RALGPS2: variants seen among roughly 807,000 people sequenced by gnomAD.
RALGPS2 encodes Ral GEF with PH domain and SH3 binding motif 2.
RALGPS2 carries 43 observed loss-of-function variants against 86.8 expected under a neutral mutation model. The observed-to-expected ratio is 0.50, with a 90% CI of 0.39 to 0.64. RALGPS2 has a LOEUF of 0.64. Among genes scored for constraint, RALGPS2 ranks in the 30% least tolerant of loss-of-function variants. The pLI is 0.00. For missense variants in RALGPS2, 536 were observed against 694.6 expected, an observed-to-expected ratio of 0.77 and a Z score of 2.57; for synonymous variants, 243 against 231.3, an observed-to-expected ratio of 1.05 and a Z score of -0.46.
intron 7 of RALGPS2, among the ~76,000 whole-genome samples, chr1:178,822,831 G>A (rs1572367902): frequency 6.6e-6 from 1 of 151,834 alleles, no homozygotes; most frequent in Non-Finnish European, 1.5e-5. Flanking sequence ...ATTATACGCT[G>A]TGAAAAAAAA....
chr1:178,819,607 C>G (rs1209586401), intron 6 of RALGPS2, among the ~76,000 whole-genome samples: 1 of 152,202 alleles, frequency 6.6e-6, no homozygotes, highest in Non-Finnish European at 1.5e-5. Context: ...GTTCAGCTTA[C>G]ATCTCTGGAT....
intron 1 of RALGPS2, among the ~76,000 whole-genome samples, chr1:178,774,729 G>A (rs912250465): frequency 1.6e-4 from 24 of 152,166 alleles, no homozygotes; most frequent in African/African-American, 3.6e-4. Context: ...AAGTAGGTGC[G>A]TTAAATGGTT....
At chr1:178,729,852 C>G (rs1425164762) in intron 1 of RALGPS2, among the ~76,000 whole-genome samples, 2 of 152,202 alleles carry the variant, frequency 1.3e-5, no homozygotes, top group African/African-American at 4.8e-5. Flanking sequence ...CCTCCTGTGT[C>G]CTGCTTTCAG....
In RALGPS2 at chr1:178,878,978, A is replaced by C. The variant is rs1000700184; in HGVS notation, c.822A>C (p.Glu274Asp). ...TAGAAGAACTACAAAAATTTGTGGA[A>C]GACGATAATTACAAGTAGGTTGGAT... is the stretch of plus-strand genomic sequence containing the variant. Reference protein sequence around the residue: ...QYIEELQKFVEDDNYKLSLKI... With the variant: ...QYIEELQKFVDDDNYKLSLKI... The change falls in exon 10 of 20, where the codon GAA (glutamate) becomes GAC (aspartate). Residue 274 changes from glutamate to aspartate, a missense_variant. Glu to Asp is a conservative substitution (Grantham distance 45, BLOSUM62 2). Around this residue, in one of 3 missense-constraint regions of RALGPS2, gnomAD observed 184 missense variants for 296.7 expected, o/e 0.62. Transcript: ENST00000367635. 3 of 1,612,590 alleles carry C rather than the reference A, an allele frequency of 1.9e-6. No homozygotes were observed. The African/African-American group carries it at 4.0e-5, about 22-fold the overall frequency.
intron 8 of RALGPS2, among the ~76,000 whole-genome samples, chr1:178,861,073 A>G (rs1016080573): frequency 2.6e-5 from 4 of 152,216 alleles, no homozygotes; most frequent in Admixed American, 2.0e-4. Context: ...CATTATACAA[A>G]TGAGAAAACA....
In RALGPS2 at chr1:178,918,309, ATTTG is replaced by A. The variant is rs1023756196; in HGVS notation, c.*1954_*1957del. ...GTTTTGCATTTTTAAAAATTTCTTA[ATTTG>A]TTTATTTCTCTTCAGAAATAGCGTT... On this transcript the variant is annotated 3_prime_UTR_variant, in exon 20 of 20. Transcript: ENST00000367635. The A allele has an allele frequency of 6.6e-5, 10 of 152,116 alleles. No individual in the cohort carries two copies. Among genetic ancestry groups the A allele is most frequent in the Admixed American group, 4.6e-4 (7 of 15,278 alleles). The allele number at this position is 152,116 out of a possible 1,614,324, so 9.4% of individuals were successfully genotyped here.
chr1:178,794,213 T>A (rs1194429321), intron 4 of RALGPS2, among the ~76,000 whole-genome samples: 1 of 152,114 alleles, frequency 6.6e-6, no homozygotes, highest in African/African-American at 2.4e-5. Context: ...GCTTCCTGGG[T>A]TCAAGTGATT....
intron 1 of RALGPS2, among the ~76,000 whole-genome samples, chr1:178,751,546 T>C (rs1185057417): frequency 6.6e-6 from 1 of 152,172 alleles, no homozygotes; most frequent in Non-Finnish European, 1.5e-5. Flanking sequence ...ATCAATTTCT[T>C]AAATTGATTA....
intron 1 of RALGPS2, among the ~76,000 whole-genome samples, chr1:178,727,215 T>TC (rs1460079227): frequency 1.3e-5 from 2 of 152,156 alleles, no homozygotes; most frequent in African/African-American, 4.8e-5. Context: ...TGTGCGTTTT[T>TC]CCCATTATAT....
chr1:178,758,013 TG>T (rs1335829161), intron 1 of RALGPS2, among the ~76,000 whole-genome samples: 5 of 152,162 alleles, frequency 3.3e-5, no homozygotes, highest in African/African-American at 1.2e-4. Context: ...AATTCAATCT[TG>T]GGGGGTTGTG....
intron 8 of RALGPS2, among the ~76,000 whole-genome samples, chr1:178,876,094 A>C (rs1432344245): frequency 1.3e-5 from 2 of 152,222 alleles, no homozygotes; most frequent in African/African-American, 4.8e-5. Flanking sequence ...AAAGATTGCC[A>C]TGCCAACCTT....
At chr1:178,852,194 T>C (rs1365383310) in intron 8 of RALGPS2, among the ~76,000 whole-genome samples, 1 of 152,174 alleles carries the variant, frequency 6.6e-6, no homozygotes, top group African/African-American at 2.4e-5. Flanking sequence ...CGAACCCATA[T>C]AAAATAGCTG....
chr1:178,759,071 T>C (rs2102060633), intron 1 of RALGPS2, among the ~76,000 whole-genome samples: 1 of 152,350 alleles, frequency 6.6e-6, no homozygotes, highest in East Asian at 1.9e-4. Context: ...GCTTTTTAAC[T>C]TGATGTGATC....
chr1:178,746,423 C>G (rs1651336870), intron 1 of RALGPS2, among the ~76,000 whole-genome samples: 2 of 152,072 alleles, frequency 1.3e-5, no homozygotes, highest in South Asian at 2.1e-4. Context: ...GTAATCTCTC[C>G]TAATTTATTT....
At chr1:178,813,798 A>G (rs187326066) in intron 6 of RALGPS2, among the ~76,000 whole-genome samples, 13 of 152,274 alleles carry the variant, frequency 8.5e-5, no homozygotes, top group Admixed American at 2.0e-4. Context: ...CTTTCAACTG[A>G]TCAAATGAGG....
chr1:178,865,407 G>A (rs374926904), intron 8 of RALGPS2: 43 of 1,613,762 alleles, frequency 2.7e-5, no homozygotes, highest in African/African-American at 2.3e-4. Flanking sequence ...TTCATGTTAC[G>A]GCTTTCCTTT....
intron 11 of RALGPS2, among the ~76,000 whole-genome samples, chr1:178,883,988 CAA>C (rs1007348489): frequency 7.2e-6 from 1 of 138,868 alleles, no homozygotes. Context: ...GACTCCATCT[CAA>C]AAAAAAAAAA....
intron 19 of RALGPS2, among the ~76,000 whole-genome samples, chr1:178,909,685 C>G (rs1660541760): frequency 1.9e-5 from 2 of 108,012 alleles, no homozygotes; most frequent in African/African-American, 7.3e-5. Context: ...GAGTCTTGCT[C>G]TGTCTTCAGG....
Position 178,921,788 on chromosome 1 carries a change from A to G in RALGPS2, c.*5429A>G, listed in dbSNP as rs1203675753. ...GTCTGCATAAGCTAACTTAAGATGA[A>G]TTTAAGTACAGTTTTCTGAAATATT... On this transcript the variant is annotated 3_prime_UTR_variant, in exon 20 of 20. Coordinates refer to ENST00000367635, the MANE Select transcript of RALGPS2 (RefSeq NM_152663.5). 1 of 152,118 alleles carries G rather than the reference A, an allele frequency of 6.6e-6. No homozygotes were observed. Among genetic ancestry groups the G allele is most frequent in the Non-Finnish European group, 1.5e-5 (1 of 67,966 alleles). The allele number at this position is 152,118 out of a possible 1,614,324, so 9.4% of individuals were successfully genotyped here. A position where few individuals can be genotyped will look rare whatever the true frequency, so the allele number is the denominator to read the frequency against.
Sources: allele counts gnomAD v4.1 joint callset (sites outside exome capture counted in the v4.1 genomes callset), GRCh38; gene constraint gnomAD v4.1.1; regional missense constraint gnomAD v4.1.1; transcripts MANE v1.5; gene names NCBI Gene and HGNC (gene_info 2026-07-23, HGNC 2026-07-21).